Variants in SUSD1 observed in about 807,000 individuals in gnomAD.
The protein encoded by SUSD1 is sushi domain containing 1, also known as sushi domain-containing protein 1.
SUSD1 carries 65 observed loss-of-function variants against 86.9 expected under a neutral mutation model. That is an observed-to-expected ratio of 0.75 (90% CI 0.61 to 0.92). The LOEUF (loss-of-function observed/expected upper bound fraction) is 0.92, where lower values mean the gene tolerates loss of function less well. SUSD1 is among the 40% of genes least tolerant of loss of function. SUSD1 has a pLI of 0.00. For synonymous variants in SUSD1, 346 were observed against 350.0 expected, an observed-to-expected ratio of 0.99 and a Z score of 0.13; for missense variants, 850 against 929.7, an observed-to-expected ratio of 0.91 and a Z score of 1.11.
intron 14 of SUSD1, 120 bp from the exon 15 acceptor site, chr9:112,052,558 C>T (rs757750740): frequency 1.9e-6 from 2 of 1,081,052 alleles, no homozygotes; most frequent in Admixed American, 1.9e-5. Context: ...CTGAACTAGA[C>T]CTTTAAAGTC....
rs1262953487 is a variant in SUSD1 at position 112,145,278 on chromosome 9, CTT to C, written c.374-1657_374-1656del. On this transcript the variant is annotated intron_variant, in intron 3 of 16. Transcript: ENST00000374270. ...AAAAAGCTAGTAATACCATAATTTC[CTT>C]TTTTTTTTTTTTTTTTTGAGACAGA... 4.2e-3 allele frequency among the ~76,000 whole-genome samples: 451 copies of C among 107,404 alleles called. 4 individuals are homozygous for C. The highest frequency in any genetic ancestry group is 0.011 in the African/African-American group (355 of 31,826). 70.5% of individuals were successfully genotyped at this position (107,404 alleles called of 152,430 possible).
intron 7 of SUSD1, among the ~76,000 whole-genome samples, chr9:112,112,552 C>A (rs530352918): frequency 1.2e-4 from 19 of 152,168 alleles, no homozygotes; most frequent in African/African-American, 4.3e-4. Context: ...AGGAGAATCG[C>A]TTGAACCCGG....
chr9:112,143,534 C>G lies in SUSD1; in HGVS notation c.463G>C (p.Gly155Arg). ...TCAGGTCCATTCCTTGGCAAGTATC[C>G]ATCCATACAGTAGCATTCAAAGCTC... Reference protein sequence around the residue: ...HGSFECYCMDGYLPRNGPEPF... With the variant: ...HGSFECYCMDRYLPRNGPEPF... Residue 155 changes from glycine to arginine, a missense_variant, in exon 4 of 17, where the codon GGA becomes CGA. Transcript: ENST00000374270. 6.2e-7 allele frequency: 1 copy of G among 1,614,082 alleles called. No individual in the cohort carries two copies. The highest frequency in any genetic ancestry group is 8.5e-7 in the Non-Finnish European group (1 of 1,180,008).
intron 1 of SUSD1, among the ~76,000 whole-genome samples, chr9:112,164,000 CA>C (rs1167956245): frequency 5.6e-5 from 8 of 141,680 alleles, no homozygotes; most frequent in African/African-American, 7.8e-5. Flanking sequence ...GACTCTGTCT[CA>C]AAAAAAAAAT....
intron 2 of SUSD1, among the ~76,000 whole-genome samples, chr9:112,152,950 C>G (rs1011149096): frequency 6.6e-6 from 1 of 151,544 alleles, no homozygotes; most frequent in Non-Finnish European, 1.5e-5. Context: ...AATGTTTTTA[C>G]TTTTTAAACT....
chr9:112,074,948 C>A (rs1829453561), intron 12 of SUSD1, among the ~76,000 whole-genome samples: 1 of 151,962 alleles, frequency 6.6e-6, no homozygotes, highest in South Asian at 2.1e-4. Context: ...TGGCCATGAG[C>A]ACAGAGAGAG....
At chr9:112,116,456 T>C (rs1340416109) in intron 6 of SUSD1, among the ~76,000 whole-genome samples, 1 of 152,230 alleles carries the variant, frequency 6.6e-6, no homozygotes, top group Non-Finnish European at 1.5e-5. Context: ...ATGCCCTCAT[T>C]CCAATAGTGC....
At chr9:112,069,860 T>C (rs1389114484) in intron 12 of SUSD1, among the ~76,000 whole-genome samples, 1 of 152,062 alleles carries the variant, frequency 6.6e-6, no homozygotes, top group East Asian at 1.9e-4. Flanking sequence ...GTCCAGGTGA[T>C]GTCACTCTTT....
intron 1 of SUSD1, among the ~76,000 whole-genome samples, chr9:112,162,241 C>T (rs903320203): frequency 6.6e-6 from 1 of 152,112 alleles, no homozygotes; most frequent in African/African-American, 2.4e-5. Flanking sequence ...TGATGATAAA[C>T]ATTTGGTTTG....
intron 6 of SUSD1, among the ~76,000 whole-genome samples, chr9:112,119,588 T>G (rs1284355344): frequency 6.6e-6 from 1 of 152,204 alleles, no homozygotes; most frequent in African/African-American, 2.4e-5. Flanking sequence ...AATCATTAAC[T>G]CAGATTCTAA....
At position 112,120,830 on chromosome 9, in the gene SUSD1, C is replaced by T. The variant is rs913653458; in HGVS notation, c.886+3427G>A. 2.6e-5 allele frequency among the ~76,000 whole-genome samples: 4 copies of T among 152,170 alleles called. No individual in the cohort carries two copies. The East Asian group carries it at 5.8e-4, about 22-fold the overall frequency. On this transcript the variant is annotated intron_variant, in intron 6 of 16. Coordinates refer to ENST00000374270, the MANE Select transcript of SUSD1 (RefSeq NM_022486.5). ...CATGCGGTGACTAATTCTTATACCC[C>T]CATTGACTGCTGAATGTTGGAGGCA...
intron 8 of SUSD1, among the ~76,000 whole-genome samples, chr9:112,110,399 T>G (rs1339246252): frequency 6.6e-6 from 1 of 151,862 alleles, no homozygotes; most frequent in Non-Finnish European, 1.5e-5. Flanking sequence ...TCTACCGGGT[T>G]TTTTGTTTGT....
intron 14 of SUSD1, among the ~76,000 whole-genome samples, chr9:112,053,960 T>C (rs1171404586): frequency 6.6e-6 from 1 of 152,172 alleles, no homozygotes; most frequent in Non-Finnish European, 1.5e-5. Context: ...GTTGGTAGAA[T>C]TGACATGATT....
chr9:112,100,112 G>A (rs988747145), intron 9 of SUSD1, among the ~76,000 whole-genome samples: 22 of 152,284 alleles, frequency 1.4e-4, no homozygotes, highest in African/African-American at 5.3e-4. Flanking sequence ...TTAGCAAACC[G>A]CTTTTAAATA....
At chr9:112,090,798 C>A (rs541110583) in intron 10 of SUSD1, among the ~76,000 whole-genome samples, 1 of 152,070 alleles carries the variant, frequency 6.6e-6, no homozygotes, top group Non-Finnish European at 1.5e-5. Flanking sequence ...CTTTGCATGG[C>A]ACTAAGGAAT....
intron 5 of SUSD1, among the ~76,000 whole-genome samples, chr9:112,136,222 TTTTA>T (rs1194912886): frequency 6.6e-6 from 1 of 152,122 alleles, no homozygotes; most frequent in Non-Finnish European, 1.5e-5. Context: ...GTTTTTTAAT[TTTTA>T]TTTATTTATT....
At chr9:112,072,281 G>A (rs1008820643) in intron 12 of SUSD1, among the ~76,000 whole-genome samples, 4 of 150,844 alleles carry the variant, frequency 2.7e-5, no homozygotes, top group Admixed American at 6.6e-5. Context: ...TCCCAGGTAG[G>A]TGGGATTACA....
intron 15 of SUSD1, among the ~76,000 whole-genome samples, chr9:112,047,834 C>A (rs72762039): frequency 0.074 from 11,190 of 152,244 alleles, 538 homozygotes; most frequent in Non-Finnish European, 0.1. Context: ...GTAGCCCTCA[C>A]CAGAAGCAGG....
At position 112,098,517 on chromosome 9, in the gene SUSD1, G is replaced by A; in HGVS notation, c.1427C>T (p.Ser476Phe). The change falls in exon 10 of 17, where the codon TCT becomes TTT. Residue 476 changes from serine (S) to phenylalanine (F), a missense_variant. Coordinates refer to ENST00000374270, the MANE Select transcript of SUSD1 (RefSeq NM_022486.5). ...DYTVNVTLLR[S>F]PKRHSVQITI... ...TATTTGCACTGAGTGCCGCTTAGGAGATCTCAGCAGGGTCACATTCACCGT... is the reference window on the plus strand; with the variant it reads ...TATTTGCACTGAGTGCCGCTTAGGAAATCTCAGCAGGGTCACATTCACCGT... The A allele has an allele frequency of 6.2e-7, 1 of 1,614,212 alleles. No homozygotes were observed.
Sources: gnomAD v4.1 joint callset for allele counts (sites outside exome capture counted in the v4.1 genomes callset) on GRCh38, gnomAD v4.1.1 for gene constraint, MANE v1.5 for transcripts, NCBI Gene and HGNC (gene_info 2026-07-23, HGNC 2026-07-21) for gene names.